HIVEP3: variants seen among roughly 807,000 people sequenced by gnomAD.
HIVEP3 encodes the protein HIVEP zinc finger 3.
HIVEP3 carries 49 observed loss-of-function variants against 152.8 expected under a neutral mutation model. The observed-to-expected ratio is 0.32, with a 90% CI of 0.26 to 0.41. The LOEUF is 0.41. Ranked by LOEUF, HIVEP3 falls within the 10% of genes least tolerant of loss-of-function variation. The pLI is 1.00. For missense variants in HIVEP3, 2,790 were observed against 3,103.3 expected, an observed-to-expected ratio of 0.90 and a Z score of 2.40; for synonymous variants, 1,269 against 1,289.0, an observed-to-expected ratio of 0.98 and a Z score of 0.33.
At chr1:41,613,515 G>A (rs1644926022) in intron 3 of HIVEP3, among the ~76,000 whole-genome samples, 2 of 152,200 alleles carry the variant, frequency 1.3e-5, no homozygotes, top group Admixed American at 1.3e-4. Flanking sequence ...ATAAATAAAT[G>A]AATGAACAAA....
At chr1:41,518,331 G>A in intron 7 of HIVEP3, 71 bp downstream of exon 7, 1 of 1,307,504 alleles carries the variant, frequency 7.6e-7, no homozygotes, top group African/African-American at 1.4e-5. Context: ...GGGAAGGCAA[G>A]CAGGAAAGGT....
chr1:41,966,700 C>T (rs972071932), intron 1 of HIVEP3, among the ~76,000 whole-genome samples: 1 of 150,232 alleles, frequency 6.7e-6, no homozygotes, highest in Admixed American at 6.6e-5. Context: ...CCAGGATGGT[C>T]TCAATCTCCT....
intron 1 of HIVEP3, among the ~76,000 whole-genome samples, chr1:41,722,219 T>G (rs1275834350): frequency 6.6e-6 from 1 of 152,200 alleles, no homozygotes; most frequent in East Asian, 1.9e-4. Context: ...TGCAGACTTG[T>G]CTTACCTCCC....
At chr1:41,846,493 G>A (rs562483227) in intron 1 of HIVEP3, among the ~76,000 whole-genome samples, 8 of 152,354 alleles carry the variant, frequency 5.3e-5, no homozygotes, top group African/African-American at 7.2e-5. Context: ...AGGCAATGCC[G>A]TCAAGGTTGT....
At chr1:41,642,668 A>G (rs531572314) in intron 2 of HIVEP3, among the ~76,000 whole-genome samples, 23 of 152,322 alleles carry the variant, frequency 1.5e-4, no homozygotes, top group African/African-American at 5.3e-4. Flanking sequence ...CATCCGTGTC[A>G]CTCACAGAGC....
rs1206852276 is a variant in HIVEP3, at chr1:41,845,417, A to ACG, written c.-801+72994_-801+72995dup. 5.5e-3 allele frequency among the ~76,000 whole-genome samples: 498 copies of ACG among 90,896 alleles called. 2 individuals are homozygous for ACG. Among genetic ancestry groups the ACG allele is most frequent in the African/African-American group, 0.028 (467 of 16,950 alleles). 59.6% of individuals were successfully genotyped at this position (90,896 alleles called of 152,430 possible). On this transcript the variant is annotated intron_variant, in intron 1 of 8. Coordinates refer to ENST00000372583, the MANE Select transcript of HIVEP3 (RefSeq NM_024503.5). ...ACACACCTCCTATACACACACACAC[A>ACG]CGCACACACACACACACACACACAC...
intron 1 of HIVEP3, among the ~76,000 whole-genome samples, chr1:41,926,373 G>T (rs1171002414): frequency 6.6e-6 from 1 of 152,128 alleles, no homozygotes; most frequent in Non-Finnish European, 1.5e-5. Context: ...CCATCATTTT[G>T]CCCTGACATC....
intron 1 of HIVEP3, among the ~76,000 whole-genome samples, chr1:41,976,242 C>T (rs1411411553): frequency 6.6e-6 from 1 of 152,188 alleles, no homozygotes; most frequent in African/African-American, 2.4e-5. Flanking sequence ...ACGTTTGTGG[C>T]GTCATTCATT....
chr1:41,854,039 A>G (rs783309), intron 1 of HIVEP3, among the ~76,000 whole-genome samples: 95,069 of 151,934 alleles, frequency 0.63, 31,256 homozygotes, highest in African/African-American at 0.82. Flanking sequence ...GAGCCTTACT[A>G]AGTGTGTTCA....
intron 1 of HIVEP3, among the ~76,000 whole-genome samples, chr1:41,730,423 C>T (rs1646821689): frequency 1.3e-5 from 2 of 152,202 alleles, no homozygotes; most frequent in African/African-American, 4.8e-5. Context: ...ACCCTGCATC[C>T]CTGGCACCAG....
intron 1 of HIVEP3, among the ~76,000 whole-genome samples, chr1:41,897,262 G>T (rs1016586840): frequency 3.9e-5 from 6 of 152,200 alleles, no homozygotes; most frequent in African/African-American, 1.4e-4. Flanking sequence ...CTGAAGGCAG[G>T]CAGGTTGAAC....
chr1:42,016,861 C>T (rs559598110), intron 1 of HIVEP3, among the ~76,000 whole-genome samples: 2 of 152,208 alleles, frequency 1.3e-5, no homozygotes, highest in Non-Finnish European at 2.9e-5. Context: ...TATAAAAATG[C>T]TTTAATTACT....
At chr1:41,551,191 T>C (rs960098901) in intron 5 of HIVEP3, among the ~76,000 whole-genome samples, 3 of 152,216 alleles carry the variant, frequency 2.0e-5, no homozygotes, top group African/African-American at 7.2e-5. Flanking sequence ...TTGATTTGTG[T>C]ATGTTGAACC....
chr1:42,031,149 A>G (rs1645610401), intron 1 of HIVEP3, among the ~76,000 whole-genome samples: 1 of 152,210 alleles, frequency 6.6e-6, no homozygotes, highest in Admixed American at 6.5e-5. Flanking sequence ...AGTATTCTGG[A>G]AGAACCCAGT....
chr1:41,879,339 A>T (rs1043316044), intron 1 of HIVEP3, among the ~76,000 whole-genome samples: 3 of 152,184 alleles, frequency 2.0e-5, no homozygotes, highest in Non-Finnish European at 4.4e-5. Flanking sequence ...CATCGTCCAG[A>T]CAGATCTCAA....
chr1:41,746,933 T>C (rs1479180107), intron 1 of HIVEP3, among the ~76,000 whole-genome samples: 2 of 151,968 alleles, frequency 1.3e-5, no homozygotes, highest in African/African-American at 2.4e-5. Context: ...AATGAGCAAG[T>C]CAGGAGGGCC....
chr1:41,522,427 C>T (rs1642783642), intron 6 of HIVEP3, among the ~76,000 whole-genome samples: 2 of 152,252 alleles, frequency 1.3e-5, no homozygotes, highest in South Asian at 4.1e-4. Flanking sequence ...TTCTAGTCTT[C>T]TAGAAGCCCC....
chr1:41,901,968 A>G (rs922154828), intron 1 of HIVEP3, among the ~76,000 whole-genome samples: 3 of 152,192 alleles, frequency 2.0e-5, no homozygotes, highest in Non-Finnish European at 4.4e-5. Context: ...TGCTTGACAC[A>G]GAACAGGGAT....
At chr1:41,693,474 T>C (rs961343430) in intron 2 of HIVEP3, among the ~76,000 whole-genome samples, 1 of 152,234 alleles carries the variant, frequency 6.6e-6, no homozygotes, top group African/African-American at 2.4e-5. Flanking sequence ...AATTGCTTGT[T>C]CATAGCCTCT....
Sources: gnomAD v4.1 joint callset for allele counts (sites outside exome capture counted in the v4.1 genomes callset) on GRCh38, gnomAD v4.1.1 for gene constraint, MANE v1.5 for transcripts, NCBI Gene and HGNC (gene_info 2026-07-23, HGNC 2026-07-21) for gene names.